Variants in SPATS2L observed in about 807,000 individuals in gnomAD.
SPATS2L encodes the protein spermatogenesis associated serine rich 2 like.
SPATS2L carries 30 observed loss-of-function variants against 59.6 expected under a neutral mutation model. That is an observed-to-expected ratio of 0.50 (90% CI 0.38 to 0.68). The LOEUF is 0.68. SPATS2L is among the 30% of genes least tolerant of loss of function. The pLI, the probability that SPATS2L is intolerant of heterozygous loss-of-function variation, is 0.00. For synonymous variants in SPATS2L, 252 were observed against 263.5 expected, an observed-to-expected ratio of 0.96 and a Z score of 0.42; for missense variants, 615 against 700.0, an observed-to-expected ratio of 0.88 and a Z score of 1.37.
chr2:200,383,857 T>G (rs764756234), intron 2 of SPATS2L: 198 of 997,630 alleles, frequency 2.0e-4, no homozygotes, highest in Non-Finnish European at 2.3e-4. Context: ...CTATGGTTTC[T>G]TAAATCCAGT....
In SPATS2L at chr2:200,416,454, G is replaced by A. The variant is rs567306929; in HGVS notation, c.198+26G>A. ...GTAAGATTAATATTGATTGTAAATT[G>A]GTAACATCTTCAATCAAAACCTTCA... On this transcript the variant is annotated intron_variant, in intron 5 of 12. Coordinates refer to ENST00000409140, the MANE Select transcript of SPATS2L (RefSeq NM_001100423.2). The A allele has an allele frequency of 5.1e-5, 65 of 1,278,000 alleles. No homozygotes were observed. The South Asian group carries it at 9.2e-4, about 18-fold the overall frequency. The allele number at this position is 1,278,000 out of a possible 1,614,324, so 79.2% of individuals were successfully genotyped here.
chr2:200,355,643 T>C (rs1175931633), intron 2 of SPATS2L, among the ~76,000 whole-genome samples: 1 of 152,248 alleles, frequency 6.6e-6, no homozygotes, highest in Non-Finnish European at 1.5e-5. Flanking sequence ...AAAGCAGGAC[T>C]AGAAGTTCTG....
At position 200,477,599 on chromosome 2, in the gene SPATS2L, CTG is replaced by C. The variant is rs1402176141; in HGVS notation, c.1282-36_1282-35del. 2.1e-6 allele frequency: 3 copies of C among 1,429,126 alleles called. No individual in the cohort carries two copies. In the Admixed American group the frequency reaches 7.7e-5, roughly 37 times the overall value. 88.5% of individuals were successfully genotyped at this position (1,429,126 alleles called of 1,614,324 possible). On this transcript the variant is annotated intron_variant, in intron 12 of 12. Coordinates refer to ENST00000409140, the MANE Select transcript of SPATS2L (RefSeq NM_001100423.2). ...GTCTACTGGTGTCATCAGTGGCTTGCTGGCATCTGATACTTATCTCTTTTCTT... is the reference window on the plus strand; with the variant it reads ...GTCTACTGGTGTCATCAGTGGCTTGCGCATCTGATACTTATCTCTTTTCTT...
At chr2:200,307,037 C>G (rs940370265) in intron 1 of SPATS2L, 115 bp downstream of exon 1, 3 of 896,014 alleles carry the variant, frequency 3.3e-6, no homozygotes, top group African/African-American at 3.6e-5. Flanking sequence ...TTCCGCAGCC[C>G]GGGCCGCCCA....
chr2:200,328,030 G>C (rs1332377678), intron 1 of SPATS2L, among the ~76,000 whole-genome samples: 1 of 152,120 alleles, frequency 6.6e-6, no homozygotes, highest in Non-Finnish European at 1.5e-5. Flanking sequence ...TTCCACCCAA[G>C]CATCCCATTG....
chr2:200,423,173 A>G (rs1335763727), intron 6 of SPATS2L, among the ~76,000 whole-genome samples: 1 of 152,212 alleles, frequency 6.6e-6, no homozygotes, highest in Non-Finnish European at 1.5e-5. Context: ...TCTGTTTGCT[A>G]TGTTTGGACC....
intron 2 of SPATS2L, among the ~76,000 whole-genome samples, chr2:200,364,642 A>G (rs1559070327): frequency 6.6e-6 from 1 of 152,202 alleles, no homozygotes; most frequent in Non-Finnish European, 1.5e-5. Flanking sequence ...TGGGAAATTT[A>G]TTCTAGTGCC....
At chr2:200,311,040 G>A (rs146181288) in intron 1 of SPATS2L, among the ~76,000 whole-genome samples, 24 of 152,116 alleles carry the variant, frequency 1.6e-4, no homozygotes, top group Middle Eastern at 3.4e-3. Flanking sequence ...TCTGTCTACC[G>A]GCCCTGGCCG....
chr2:200,439,635 A>G (rs537024901), intron 7 of SPATS2L, among the ~76,000 whole-genome samples: 1 of 152,226 alleles, frequency 6.6e-6, no homozygotes, highest in East Asian at 1.9e-4. Flanking sequence ...GCAAGTGCTC[A>G]TTCAGGAGCT....
intron 8 of SPATS2L, among the ~76,000 whole-genome samples, chr2:200,442,426 T>C (rs1327899739): frequency 6.6e-6 from 1 of 152,190 alleles, no homozygotes; most frequent in Non-Finnish European, 1.5e-5. Flanking sequence ...AGCTCTGCTG[T>C]TGCTGCTCAA....
At chr2:200,400,617 T>C (rs1269980874) in intron 3 of SPATS2L, among the ~76,000 whole-genome samples, 1 of 152,212 alleles carries the variant, frequency 6.6e-6, no homozygotes, top group Non-Finnish European at 1.5e-5. Context: ...TTAATTTTAC[T>C]TTTTTGTGTG....
At chr2:200,341,927 A>G (rs1383035178) in intron 2 of SPATS2L, among the ~76,000 whole-genome samples, 3 of 152,008 alleles carry the variant, frequency 2.0e-5, no homozygotes, top group Admixed American at 6.6e-5. Flanking sequence ...CCTGACCACG[A>G]TCCGCCTACC....
At chr2:200,444,647 T>G (rs1413408569) in intron 8 of SPATS2L, among the ~76,000 whole-genome samples, 1 of 152,108 alleles carries the variant, frequency 6.6e-6, no homozygotes, top group Non-Finnish European at 1.5e-5. Flanking sequence ...TTTGTGTTTC[T>G]TTTTTCCCGA....
intron 1 of SPATS2L, among the ~76,000 whole-genome samples, chr2:200,322,961 T>C (rs1233287356): frequency 6.6e-6 from 1 of 152,204 alleles, no homozygotes; most frequent in Non-Finnish European, 1.5e-5. Context: ...CTCATTTTTG[T>C]CTTAGGATTA....
chr2:200,317,945 T>G (rs1480778613), intron 1 of SPATS2L, among the ~76,000 whole-genome samples: 2 of 152,226 alleles, frequency 1.3e-5, no homozygotes, highest in South Asian at 2.1e-4. Flanking sequence ...TTTGGGAAGT[T>G]CTTTTGTTGT....
At chr2:200,342,349 G>A (rs2080360360) in intron 2 of SPATS2L, among the ~76,000 whole-genome samples, 2 of 152,222 alleles carry the variant, frequency 1.3e-5, no homozygotes, top group African/African-American at 4.8e-5. Flanking sequence ...AGCTGCAGAA[G>A]AGTCAGCTGG....
rs182157731 is a variant in SPATS2L, at chr2:200,459,377, A to T, written c.789-392A>T. Among the ~76,000 whole-genome samples, 260 of 152,332 alleles carry T rather than the reference A, an allele frequency of 1.7e-3. 2 individuals are homozygous for T. The highest frequency in any genetic ancestry group is 2.8e-3 in the Non-Finnish European group (190 of 68,022). On this transcript the variant is annotated intron_variant, in intron 8 of 12. Coordinates refer to ENST00000409140, the MANE Select transcript of SPATS2L (RefSeq NM_001100423.2). ...CAGCCAGAATCTCTCAGGGTAGAGC[A>T]CAGAGACACTGGGAACTACAGTCCT... is the stretch of plus-strand genomic sequence containing the variant.
chr2:200,468,365 C>CACACACACACACAT (rs1251834502), intron 10 of SPATS2L, among the ~76,000 whole-genome samples: 2 of 151,470 alleles, frequency 1.3e-5, no homozygotes, highest in Admixed American at 6.6e-5. Context: ...CACACACACA[C>CACACACACACACAT]ACACACACAC....
intron 1 of SPATS2L, among the ~76,000 whole-genome samples, chr2:200,321,215 G>A (rs1007781176): frequency 5.3e-5 from 8 of 152,126 alleles, no homozygotes; most frequent in Non-Finnish European, 1.0e-4. Flanking sequence ...GACCCAGGAC[G>A]TTTGTACAGA....
Sources: allele counts gnomAD v4.1 joint callset (sites outside exome capture counted in the v4.1 genomes callset), GRCh38; gene constraint gnomAD v4.1.1; transcripts MANE v1.5; gene names NCBI Gene and HGNC (gene_info 2026-07-23, HGNC 2026-07-21).